CACNA1B: variants seen among roughly 807,000 people sequenced by gnomAD.
CACNA1B encodes the protein voltage-dependent N-type calcium channel subunit alpha-1B.
CACNA1B carries 70 observed loss-of-function variants against 247.2 expected under a neutral mutation model. The observed-to-expected ratio is 0.28, with a 90% CI of 0.23 to 0.35. The LOEUF (loss-of-function observed/expected upper bound fraction) is 0.35. CACNA1B is among the 10% of genes least tolerant of loss of function. The probability of loss-of-function intolerance (pLI) is 1.00; values close to 1 mark genes in which losing one functional copy is unlikely to be tolerated. For synonymous variants in CACNA1B, 1,231 were observed against 1,294.4 expected (o/e 0.95, Z 1.05); for missense variants, 2,367 against 3,197.4 (o/e 0.74, Z 6.26).
chr9:138,061,248 C>T lies in CACNA1B; in HGVS notation c.4668+1511C>T, dbSNP rs570461688. ...TGCTGGCCTTCTGGCACGAGCAGCCCCAAGTGACCAGGTGGCCACCATGGC... is the reference window on the plus strand; with the variant it reads ...TGCTGGCCTTCTGGCACGAGCAGCCTCAAGTGACCAGGTGGCCACCATGGC... On this transcript the variant is annotated intron_variant, in intron 31 of 46. Coordinates refer to ENST00000371372, the MANE Select transcript of CACNA1B (RefSeq NM_000718.4). Among the ~76,000 whole-genome samples the T allele has an allele frequency of 1.1e-4, 17 of 152,258 alleles. No homozygotes were observed. The East Asian group carries it at 1.5e-3, about 14-fold the overall frequency.
chr9:137,935,889 C>T (rs1957661501), intron 6 of CACNA1B, among the ~76,000 whole-genome samples: 1 of 152,164 alleles, frequency 6.6e-6, no homozygotes, highest in South Asian at 2.1e-4. Context: ...GATCTTGGCT[C>T]ACTGTCGCCC....
At chr9:138,107,917 A>G (rs1012474836) in intron 39 of CACNA1B, among the ~76,000 whole-genome samples, 13 of 151,636 alleles carry the variant, frequency 8.6e-5, no homozygotes, top group Admixed American at 4.6e-4. Flanking sequence ...CCCAGGAGGC[A>G]GAGCTTGCAG....
Position 138,073,422 on chromosome 9 carries a change from G to A in CACNA1B, c.4675-66G>A, listed in dbSNP as rs1960201101. The A allele has an allele frequency of 1.1e-6, 1 of 909,236 alleles. No individual in the cohort carries two copies. Among genetic ancestry groups the A allele is most frequent in the Middle Eastern group, 2.1e-4 (1 of 4,660 alleles). The allele number at this position is 909,236 out of a possible 1,614,324, so 56.3% of individuals were successfully genotyped here. Reference sequence around the variant, plus strand: ...CAGGGATGTGGGAAGAGGTTGTAGGGTGGCAGCAGCTTGCCTGCGCTTTCG... The same window carrying A: ...CAGGGATGTGGGAAGAGGTTGTAGGATGGCAGCAGCTTGCCTGCGCTTTCG... On this transcript the variant is annotated intron_variant, in intron 32 of 46. Coordinates refer to ENST00000371372, the MANE Select transcript of CACNA1B (RefSeq NM_000718.4). The surrounding 1 kb of genome is among the most constrained non-coding windows in gnomAD (Gnocchi z 6.4).
chr9:138,031,887 A>T (rs1196094271), intron 20 of CACNA1B, among the ~76,000 whole-genome samples: 1 of 152,078 alleles, frequency 6.6e-6, no homozygotes, highest in Admixed American at 6.5e-5. Flanking sequence ...CAACCTAACT[A>T]TATAGTTATA....
Position 137,955,584 on chromosome 9 carries a change from C to A in CACNA1B, c.1071-114C>A. On this transcript the variant is annotated intron_variant, in intron 7 of 46. Coordinates refer to ENST00000371372, the MANE Select transcript of CACNA1B (RefSeq NM_000718.4). The surrounding 1 kb of genome is among the most constrained non-coding windows in gnomAD (Gnocchi z 6.9). Reference sequence around the variant, plus strand: ...GGCAGGGGCCTGCCTGAAGCAGCAGCCTGCAGCCTGCGTCTCCTGTCCCAG... The same window carrying A: ...GGCAGGGGCCTGCCTGAAGCAGCAGACTGCAGCCTGCGTCTCCTGTCCCAG... The A allele has an allele frequency of 1.4e-6, 1 of 699,990 alleles. No homozygotes were observed. Among genetic ancestry groups the A allele is most frequent in the Non-Finnish European group, 2.4e-6 (1 of 408,478 alleles). 43.4% of individuals were successfully genotyped at this position (699,990 alleles called of 1,614,324 possible).
At chr9:138,053,487 A>G (rs1461509700) in intron 25 of CACNA1B, among the ~76,000 whole-genome samples, 2 of 152,132 alleles carry the variant, frequency 1.3e-5, no homozygotes, top group Non-Finnish European at 2.9e-5. Context: ...TCCATCCCGT[A>G]GGTGCCCTGC....
chr9:138,120,451 C>T (rs930943225), intron 45 of CACNA1B, 79 bp downstream of exon 45: 3 of 1,445,202 alleles, frequency 2.1e-6, no homozygotes, highest in Non-Finnish European at 1.8e-6. Context: ...ATGGGGGACC[C>T]TCTTCCTTTG....
intron 3 of CACNA1B, among the ~76,000 whole-genome samples, chr9:137,900,182 C>T (rs1001597210): frequency 2.0e-5 from 3 of 152,116 alleles, no homozygotes; most frequent in African/African-American, 7.2e-5. Context: ...GGCAGGGTGC[C>T]CCCCTGGCCC....
intron 3 of CACNA1B, among the ~76,000 whole-genome samples, chr9:137,907,386 A>C (rs916865520): frequency 6.6e-6 from 1 of 152,194 alleles, no homozygotes; most frequent in Non-Finnish European, 1.5e-5. Flanking sequence ...TGTGGTTAGA[A>C]GTGGTTTCCT....
chr9:137,906,805 GTAT>G (rs1208645369), intron 3 of CACNA1B, among the ~76,000 whole-genome samples: 11 of 152,154 alleles, frequency 7.2e-5, no homozygotes, highest in Non-Finnish European at 1.6e-4. Flanking sequence ...GCCATGTGAT[GTAT>G]TATTTAACAT....
rs201123345 is a variant in CACNA1B, at chr9:137,919,592, C to A, written c.966+2161C>A. On this transcript the variant is annotated intron_variant, in intron 6 of 46. Transcript: ENST00000371372. This position sits in a 1 kb window ranked among gnomAD's most constrained non-coding sequence, Gnocchi z 4.6. ...GAGGATCCTTTGGAGAGAGCGAGAG[C>A]CCGCCCCTCACCTCCAACCCAGTGA... is the stretch of plus-strand genomic sequence containing the variant. 6.6e-6 allele frequency among the ~76,000 whole-genome samples: 1 copy of A among 152,360 alleles called. No individual in the cohort carries two copies. Among genetic ancestry groups the A allele is most frequent in the East Asian group, 1.9e-4 (1 of 5,174 alleles).
intron 20 of CACNA1B, among the ~76,000 whole-genome samples, chr9:138,029,014 G>C (rs1020862663): frequency 1.3e-5 from 2 of 152,212 alleles, no homozygotes; most frequent in Non-Finnish European, 2.9e-5. Context: ...ACAACCAACT[G>C]AATTTGGAAT....
At position 137,919,968 on chromosome 9, in the gene CACNA1B, T is replaced by G. The variant is rs1957459465; in HGVS notation, c.966+2537T>G. On this transcript the variant is annotated intron_variant, in intron 6 of 46. Transcript: ENST00000371372. This position sits in a 1 kb window ranked among gnomAD's most constrained non-coding sequence, Gnocchi z 4.6. The stretch of plus-strand genomic sequence containing the variant: ...TGGGGAGAGACGAGTCGGCAGTAAA[T>G]TCCTGTTAGGTCCAGAGAGGTGAGA... Among the ~76,000 whole-genome samples the G allele has an allele frequency of 6.6e-6, 1 of 152,080 alleles. No individual in the cohort carries two copies. Among genetic ancestry groups the G allele is most frequent in the East Asian group, 1.9e-4 (1 of 5,184 alleles).
Position 137,927,466 on chromosome 9 carries a change from G to A in CACNA1B, c.966+10035G>A, listed in dbSNP as rs190771851. On this transcript the variant is annotated intron_variant, in intron 6 of 46. Coordinates refer to ENST00000371372, the MANE Select transcript of CACNA1B (RefSeq NM_000718.4). ...TTGAACTCCCGACCTCAGGTGATCC[G>A]CCCACCTCGGATTTGCTGAAAAGAC... Among the ~76,000 whole-genome samples, 53 of 152,170 alleles carry A rather than the reference G, an allele frequency of 3.5e-4. 1 individual carries two copies. The highest frequency in any genetic ancestry group is 5.7e-4 in the Non-Finnish European group (39 of 67,974).
chr9:138,015,367 G>T (rs954798491), intron 18 of CACNA1B, among the ~76,000 whole-genome samples: 6 of 152,194 alleles, frequency 3.9e-5, no homozygotes, highest in African/African-American at 1.4e-4. Context: ...CCTGCACCTG[G>T]CGAGGCCTGG....
In CACNA1B at chr9:138,054,041, GC is replaced by G. The variant is rs752180236; in HGVS notation, c.3968+39del. The G allele has an allele frequency of 1.3e-4, 202 of 1,600,116 alleles. 1 individual carries two copies. In the South Asian group the frequency reaches 1.8e-3, roughly 15 times the overall value. On this transcript the variant is annotated intron_variant, in intron 26 of 46. Coordinates refer to ENST00000371372, the MANE Select transcript of CACNA1B (RefSeq NM_000718.4). The surrounding 1 kb of genome is among the most constrained non-coding windows in gnomAD (Gnocchi z 4.6). The stretch of plus-strand genomic sequence containing the variant: ...GGCAGGGTGCAAGGTGGGACACACA[GC>G]CCCATGATGCAGACAACACTGGGAG...
intron 31 of CACNA1B, 85 bp from the exon 32 acceptor site, chr9:138,069,673 G>C: frequency 1.0e-6 from 1 of 993,064 alleles, no homozygotes; most frequent in East Asian, 2.4e-5. Flanking sequence ...CCATGTCTCC[G>C]TCTGTATGTT....
In CACNA1B at chr9:137,888,568, A is replaced by C. The variant is rs1466504308; in HGVS notation, c.530+5685A>C. 6.6e-6 allele frequency among the ~76,000 whole-genome samples: 1 copy of C among 152,228 alleles called. No homozygotes were observed. The highest frequency in any genetic ancestry group is 1.5e-5 in the Non-Finnish European group (1 of 68,030). On this transcript the variant is annotated intron_variant, in intron 3 of 46. Transcript: ENST00000371372. The surrounding 1 kb of genome is among the most constrained non-coding windows in gnomAD (Gnocchi z 4.7). ...AGGTGGCTCTCCGGGGGAGCTTTCC[A>C]ACCACGGCTTCTTGTTTTAGTCTAA...
At chr9:137,902,190 C>G (rs1957247809) in intron 3 of CACNA1B, among the ~76,000 whole-genome samples, 1 of 152,262 alleles carries the variant, frequency 6.6e-6, no homozygotes, top group Admixed American at 6.5e-5. Flanking sequence ...GGGTTCTTTG[C>G]CATTTCATTT....
Sources: gnomAD v4.1 joint callset for allele counts (sites outside exome capture counted in the v4.1 genomes callset) on GRCh38, gnomAD v4.1.1 for gene constraint, Gnocchi (gnomAD v3.1) non-coding constraint, MANE v1.5 for transcripts, NCBI Gene and HGNC (gene_info 2026-07-23, HGNC 2026-07-21) for gene names.